WDR43: variants seen among roughly 807,000 people sequenced by gnomAD.
WDR43 encodes the protein WD repeat domain 43.
WDR43 carries 13 observed loss-of-function variants against 91.4 expected under a neutral mutation model. The observed-to-expected ratio is 0.14, with a 90% confidence interval of 0.09 to 0.23. The LOEUF is 0.23. WDR43 is among the 10% of genes least tolerant of loss of function. The probability of loss-of-function intolerance (pLI) is 1.00; values close to 1 mark genes in which losing one functional copy is unlikely to be tolerated. For missense variants in WDR43, 780 were observed against 809.4 expected, an observed-to-expected ratio of 0.96 and a Z score of 0.44; for synonymous variants, 331 against 287.9, an observed-to-expected ratio of 1.15 and a Z score of -1.51.
At chr2:28,911,300 T>TC (rs1670793256) in intron 3 of WDR43, among the ~76,000 whole-genome samples, 1 of 149,540 alleles carries the variant, frequency 6.7e-6, no homozygotes, top group South Asian at 2.1e-4. Flanking sequence ...AATAACCTCT[T>TC]TTTTTTTTTT....
intron 14 of WDR43, among the ~76,000 whole-genome samples, chr2:28,940,193 G>A (rs865820142): frequency 6.6e-6 from 1 of 151,392 alleles, no homozygotes; most frequent in African/African-American, 2.4e-5. Flanking sequence ...ATATCACGGG[G>A]GTAGGGGGTG....
chr2:28,918,556 A>G (rs1175569154), intron 6 of WDR43, among the ~76,000 whole-genome samples: 2 of 151,666 alleles, frequency 1.3e-5, no homozygotes, highest in East Asian at 3.9e-4. Context: ...TTTAGTAGAG[A>G]TGGGGTTTCT....
intron 12 of WDR43, 180 bp downstream of exon 12, chr2:28,935,787 G>T (rs1477089720): frequency 1.3e-5 from 5 of 395,672 alleles, no homozygotes; most frequent in Non-Finnish European, 2.2e-5. Context: ...AATTCCTGGG[G>T]CAATGAAAGG....
intron 3 of WDR43, among the ~76,000 whole-genome samples, chr2:28,911,545 C>T (rs1291024940): frequency 1.3e-5 from 2 of 151,980 alleles, no homozygotes; most frequent in Non-Finnish European, 2.9e-5. Context: ...CCGCCCACCT[C>T]GGCTTCCCAA....
At chr2:28,927,121 C>T (rs1671156160) in intron 9 of WDR43, 1 of 519,454 alleles carries the variant, frequency 1.9e-6, no homozygotes, top group South Asian at 1.4e-5. Flanking sequence ...AGAGATGACA[C>T]CTTTCTCTTG....
chr2:28,942,433 A>C, intron 16 of WDR43, 52 bp downstream of exon 16: 1 of 1,559,980 alleles, frequency 6.4e-7, no homozygotes. Context: ...TTCAGTTTTC[A>C]GTGACTGAGT....
chr2:28,894,987 G>T (rs1175833242), intron 1 of WDR43, 64 bp downstream of exon 1: 6 of 1,413,446 alleles, frequency 4.2e-6, no homozygotes. Flanking sequence ...CCTCCGGGCC[G>T]GGTGGCGCGT....
intron 15 of WDR43, 60 bp from the exon 16 acceptor site, chr2:28,942,252 G>T: frequency 6.5e-7 from 1 of 1,544,598 alleles, no homozygotes. Flanking sequence ...TATGCTGGTG[G>T]TCGTGATACT....
chr2:28,919,074 A>T (rs1670971205), intron 6 of WDR43, among the ~76,000 whole-genome samples: 2 of 152,192 alleles, frequency 1.3e-5, no homozygotes, highest in Admixed American at 6.5e-5. Context: ...CCTGGACAAC[A>T]TAGTGAGACC....
chr2:28,933,614 A>T (rs1239896380), intron 11 of WDR43, among the ~76,000 whole-genome samples: 2 of 152,246 alleles, frequency 1.3e-5, no homozygotes, highest in Non-Finnish European at 2.9e-5. Flanking sequence ...CTGGGAACAA[A>T]ATATTAGCAA....
intron 6 of WDR43, among the ~76,000 whole-genome samples, chr2:28,921,853 G>A (rs1416662962): frequency 6.6e-6 from 1 of 152,134 alleles, no homozygotes; most frequent in Non-Finnish European, 1.5e-5. Flanking sequence ...GGGACTACAG[G>A]CATGTGCCCA....
intron 16 of WDR43, among the ~76,000 whole-genome samples, chr2:28,945,856 G>T (rs547772155): frequency 1.6e-4 from 24 of 152,272 alleles, no homozygotes; most frequent in Non-Finnish European, 3.1e-4. Flanking sequence ...GTTAAATAAT[G>T]CTAATTCTTC....
At chr2:28,927,088 G>C (rs570265898) in intron 9 of WDR43, 2 of 519,634 alleles carry the variant, frequency 3.8e-6, no homozygotes, top group South Asian at 1.4e-5. Context: ...ACATCCATAT[G>C]GTTTCGCTGC....
Position 28,935,620 on chromosome 2 carries a change from T to A in WDR43, c.1524+13T>A. 3 of 1,548,170 alleles carry A rather than the reference T, an allele frequency of 1.9e-6. No homozygotes were observed. Among genetic ancestry groups the A allele is most frequent in the Non-Finnish European group, 2.6e-6 (3 of 1,144,252 alleles). On this transcript the variant is annotated intron_variant, in intron 12 of 17. Transcript: ENST00000407426. ...GTTGTTACAAGAGGTAACTGACTGCTTTTTTCATTTCAGCATCCTAATGCC... is the reference window on the plus strand; with the variant it reads ...GTTGTTACAAGAGGTAACTGACTGCATTTTTCATTTCAGCATCCTAATGCC...
chr2:28,900,603 AT>A (rs1429212609), intron 1 of WDR43, among the ~76,000 whole-genome samples: 1 of 152,138 alleles, frequency 6.6e-6, no homozygotes, highest in East Asian at 1.9e-4. Flanking sequence ...TACAGAAATT[AT>A]TTTTGCCCCT....
chr2:28,924,091 G>A (rs185936776), intron 7 of WDR43, among the ~76,000 whole-genome samples: 74 of 152,296 alleles, frequency 4.9e-4, no homozygotes, highest in Middle Eastern at 3.4e-3. Context: ...ATGTACACTT[G>A]TGGAGAATAA....
intron 1 of WDR43, among the ~76,000 whole-genome samples, chr2:28,899,309 C>G (rs1255448908): frequency 1.3e-5 from 2 of 152,174 alleles, no homozygotes; most frequent in Non-Finnish European, 2.9e-5. Flanking sequence ...TTTGCCGTGT[C>G]TAATGCAGGG....
Position 28,937,914 on chromosome 2 carries a change from T to G in WDR43, c.1557-17T>G, listed in dbSNP as rs748977444. The G allele has an allele frequency of 6.2e-7, 1 of 1,611,798 alleles. No individual in the cohort carries two copies. Among genetic ancestry groups the G allele is most frequent in the South Asian group, 1.1e-5 (1 of 90,878 alleles). On this transcript the variant is annotated splice_polypyrimidine_tract_variant and intron_variant, in intron 13 of 17. Transcript: ENST00000407426. ...TTGAATTTGTGAACATTAGTTTACTTGGATTTTTTTTTCCAGTGCTGTGCT... is the reference window on the plus strand; with the variant it reads ...TTGAATTTGTGAACATTAGTTTACTGGGATTTTTTTTTCCAGTGCTGTGCT...
intron 10 of WDR43, 31 bp from the exon 11 acceptor site, chr2:28,929,548 T>C (rs769495667): frequency 1.5e-5 from 23 of 1,531,966 alleles, no homozygotes; most frequent in Middle Eastern, 3.5e-4. Context: ...TCTTGTCTGG[T>C]AACACATTAA....
Sources: gnomAD v4.1 joint callset for allele counts (sites outside exome capture counted in the v4.1 genomes callset) on GRCh38, gnomAD v4.1.1 for gene constraint, MANE v1.5 for transcripts, NCBI Gene and HGNC (gene_info 2026-07-23, HGNC 2026-07-21) for gene names.